Variants in CTNNA2 observed in about 807,000 individuals in gnomAD.
CTNNA2 encodes catenin alpha 2, also known as catenin alpha-2.
Under a neutral mutation model 101.0 loss-of-function variants are expected in CTNNA2, and 42 were observed. The observed-to-expected ratio is 0.42, with a 90% CI of 0.32 to 0.54. CTNNA2 has a LOEUF of 0.54. Among genes scored for constraint, CTNNA2 ranks in the 20% least tolerant of loss-of-function variants. The pLI, the probability that CTNNA2 is intolerant of heterozygous loss-of-function variation, is 0.14. For missense variants in CTNNA2, 871 were observed against 1,223.1 expected (o/e 0.71, Z 4.29); for synonymous variants, 450 against 456.4 (o/e 0.99, Z 0.18).
chr2:79,827,074 T>C (rs536644715), intron 3 of CTNNA2, among the ~76,000 whole-genome samples: 1 of 152,316 alleles, frequency 6.6e-6, no homozygotes, highest in African/African-American at 2.4e-5. Context: ...AGTCCCACTC[T>C]GTCACCCAGG....
At chr2:79,873,690 G>A (rs975855403) in intron 5 of CTNNA2, among the ~76,000 whole-genome samples, 2 of 152,084 alleles carry the variant, frequency 1.3e-5, no homozygotes, top group Admixed American at 1.3e-4. Flanking sequence ...CTTGAGGCCA[G>A]GAGTTCAAGG....
At chr2:80,645,135 C>T (rs1177311403) in intron 18 of CTNNA2, among the ~76,000 whole-genome samples, 1 of 152,084 alleles carries the variant, frequency 6.6e-6, no homozygotes, top group Non-Finnish European at 1.5e-5. Flanking sequence ...ATGAAACGTC[C>T]CTGTCATATT....
chr2:80,498,905 C>T (rs1687664375), intron 9 of CTNNA2, among the ~76,000 whole-genome samples: 1 of 152,138 alleles, frequency 6.6e-6, no homozygotes, highest in African/African-American at 2.4e-5. Context: ...GATAAATTCA[C>T]AGCATAAAAT....
At chr2:79,392,226 AG>A (rs1678182096) in intron 4 of CTNNA2, among the ~76,000 whole-genome samples, 1 of 152,222 alleles carries the variant, frequency 6.6e-6, no homozygotes, top group Admixed American at 6.5e-5. Context: ...CTCACACTTC[AG>A]TATGACTGAG....
chr2:80,119,780 TA>T (rs1701730034), intron 7 of CTNNA2, among the ~76,000 whole-genome samples: 1 of 152,144 alleles, frequency 6.6e-6, no homozygotes, highest in Non-Finnish European at 1.5e-5. Flanking sequence ...GAGGAGAGAT[TA>T]AAAAGTTTTG....
At chr2:79,308,242 C>T (rs938762675) in intron 2 of CTNNA2, among the ~76,000 whole-genome samples, 1 of 152,098 alleles carries the variant, frequency 6.6e-6, no homozygotes, top group Non-Finnish European at 1.5e-5. Context: ...GACAGGGTTT[C>T]ATCATGTTGG....
intron 7 of CTNNA2, chr2:80,301,937 A>T: frequency 1.3e-5 from 3 of 235,342 alleles, no homozygotes; most frequent in African/African-American, 2.3e-5. Context: ...AAAATCAATG[A>T]TTGGTACCTT....
At chr2:79,318,366 GA>G (rs889170977) in intron 3 of CTNNA2, among the ~76,000 whole-genome samples, 1 of 152,008 alleles carries the variant, frequency 6.6e-6, no homozygotes, top group Non-Finnish European at 1.5e-5. Context: ...GAAAAAAGAA[GA>G]AAAAAATACA....
chr2:80,275,373 A>T (rs1223478175), intron 7 of CTNNA2, among the ~76,000 whole-genome samples: 1 of 152,222 alleles, frequency 6.6e-6, no homozygotes, highest in Non-Finnish European at 1.5e-5. Context: ...GCATGATTAA[A>T]GTCATTCAAT....
At chr2:79,227,392 T>C (rs1435532707) in intron 2 of CTNNA2, among the ~76,000 whole-genome samples, 1 of 152,198 alleles carries the variant, frequency 6.6e-6, no homozygotes, top group Non-Finnish European at 1.5e-5. Context: ...TGCCATTATC[T>C]ATGCAATGGC....
intron 7 of CTNNA2, among the ~76,000 whole-genome samples, chr2:80,006,859 A>G (rs1450310979): frequency 6.6e-6 from 1 of 152,134 alleles, no homozygotes; most frequent in Non-Finnish European, 1.5e-5. Context: ...TGGAATCCCC[A>G]TGCCAACCTG....
intron 3 of CTNNA2, among the ~76,000 whole-genome samples, chr2:79,755,748 C>T (rs57169452): frequency 0.067 from 10,178 of 152,150 alleles, 761 homozygotes; most frequent in African/African-American, 0.18. Context: ...TTTAATACAT[C>T]GTTATCAACA....
At chr2:79,694,120 A>G (rs918832795) in intron 2 of CTNNA2, among the ~76,000 whole-genome samples, 1 of 151,990 alleles carries the variant, frequency 6.6e-6, no homozygotes, top group African/African-American at 2.4e-5. Flanking sequence ...CCTCACAGCA[A>G]CCACAAACTT....
chr2:80,208,137 C>G (rs1707644794), intron 7 of CTNNA2, among the ~76,000 whole-genome samples: 1 of 152,164 alleles, frequency 6.6e-6, no homozygotes, highest in South Asian at 2.1e-4. Flanking sequence ...TCTAAATTGG[C>G]TTTATTTACA....
At chr2:79,222,389 C>A (rs547292850) in intron 2 of CTNNA2, among the ~76,000 whole-genome samples, 1 of 152,156 alleles carries the variant, frequency 6.6e-6, no homozygotes, top group African/African-American at 2.4e-5. Context: ...TTCAGACAGG[C>A]GCTCTACCCA....
chr2:79,679,928 A>C (rs1356135041), intron 2 of CTNNA2, among the ~76,000 whole-genome samples: 1 of 152,122 alleles, frequency 6.6e-6, no homozygotes, highest in Non-Finnish European at 1.5e-5. Context: ...TTTTTGCACC[A>C]GATTAGGCTG....
At chr2:80,127,402 G>A (rs1702197871) in intron 7 of CTNNA2, among the ~76,000 whole-genome samples, 1 of 152,126 alleles carries the variant, frequency 6.6e-6, no homozygotes, top group African/African-American at 2.4e-5. Context: ...TAGGGAAACT[G>A]ACATGAAAGT....
At chr2:80,586,911 G>C (rs933839999) in intron 14 of CTNNA2, among the ~76,000 whole-genome samples, 1 of 152,174 alleles carries the variant, frequency 6.6e-6, no homozygotes, top group African/African-American at 2.4e-5. Context: ...GATACCTTTA[G>C]TCAAATCAGA....
intron 4 of CTNNA2, among the ~76,000 whole-genome samples, chr2:79,438,458 C>T (rs930509452): frequency 6.6e-6 from 1 of 152,116 alleles, no homozygotes; most frequent in Admixed American, 6.5e-5. Context: ...ACAGGATGGT[C>T]GGCCCCTCTA....
Sources: gnomAD v4.1 joint callset for allele counts (sites outside exome capture counted in the v4.1 genomes callset) on GRCh38, gnomAD v4.1.1 for gene constraint, MANE v1.5 for transcripts, NCBI Gene and HGNC (gene_info 2026-07-23, HGNC 2026-07-21) for gene names.